The following CASQ2 variants were observed in gnomAD, a reference collection of about 807,000 sequenced individuals.
The protein encoded by CASQ2 is calsequestrin 2, also known as calsequestrin-2.
In CASQ2, 49 loss-of-function variants were observed where a neutral mutation model predicts 46.5. That is an observed-to-expected ratio of 1.05 (90% CI 0.84 to 1.34). The LOEUF (loss-of-function observed/expected upper bound fraction) is 1.34, where lower values mean the gene tolerates loss of function less well. Among genes scored for constraint, CASQ2 ranks in the 40% most tolerant of loss-of-function variants. The pLI is 0.00. For synonymous variants in CASQ2, 174 were observed against 168.5 expected (o/e 1.03, Z -0.25); for missense variants, 486 against 481.3 (o/e 1.01, Z -0.09).
chr1:115,711,592 G>GGT (rs144324637), intron 8 of CASQ2, among the ~76,000 whole-genome samples: 65,880 of 144,058 alleles, frequency 0.46, 14,958 homozygotes, highest in East Asian at 0.55. Flanking sequence ...CTCATTTTAA[G>GGT]ATTTTTTTTT....
intron 2 of CASQ2, among the ~76,000 whole-genome samples, chr1:115,741,716 GC>G (rs1460745356): frequency 6.6e-6 from 1 of 152,180 alleles, no homozygotes; most frequent in Non-Finnish European, 1.5e-5. Flanking sequence ...TTATTTTGCT[GC>G]CCTTTAGCAC....
intron 8 of CASQ2, among the ~76,000 whole-genome samples, chr1:115,710,301 C>A (rs569495658): frequency 4.6e-5 from 7 of 152,184 alleles, no homozygotes; most frequent in Non-Finnish European, 1.0e-4. Flanking sequence ...ATTTTATCAT[C>A]TCCATTTTAA....
intron 1 of CASQ2, among the ~76,000 whole-genome samples, chr1:115,757,865 T>A (rs1030622587): frequency 1.3e-5 from 2 of 152,198 alleles, no homozygotes; most frequent in African/African-American, 4.8e-5. Flanking sequence ...GAGAAGTATA[T>A]TTTCAGTATA....
At chr1:115,745,500 G>C (rs1387105327) in intron 1 of CASQ2, among the ~76,000 whole-genome samples, 1 of 152,140 alleles carries the variant, frequency 6.6e-6, no homozygotes, top group Non-Finnish European at 1.5e-5. Flanking sequence ...CAAAGGCCAA[G>C]AGGATGCAGC....
At chr1:115,728,064 G>T (rs183909056) in intron 5 of CASQ2, among the ~76,000 whole-genome samples, 1 of 152,150 alleles carries the variant, frequency 6.6e-6, no homozygotes, top group East Asian at 1.9e-4. Context: ...TCAAGAAAGC[G>T]CAGGGATGAA....
chr1:115,765,331 CTG>C (rs1284541278), intron 1 of CASQ2, among the ~76,000 whole-genome samples: 1 of 152,210 alleles, frequency 6.6e-6, no homozygotes, highest in Non-Finnish European at 1.5e-5. Context: ...CCTCCTCACT[CTG>C]TGGATGGAGC....
At chr1:115,744,141 C>CA (rs71683766) in intron 2 of CASQ2, among the ~76,000 whole-genome samples, 2,803 of 129,152 alleles carry the variant, frequency 0.022, 102 homozygotes, top group African/African-American at 0.083. Flanking sequence ...GAACCTGTCT[C>CA]AAAAAAAAAA....
intron 8 of CASQ2, among the ~76,000 whole-genome samples, chr1:115,711,486 G>T (rs1654541828): frequency 6.6e-6 from 1 of 152,120 alleles, no homozygotes; most frequent in South Asian, 2.1e-4. Flanking sequence ...CAGCATGTGG[G>T]TTGGGCAAAG....
intron 1 of CASQ2, among the ~76,000 whole-genome samples, chr1:115,746,544 T>A (rs1414370082): frequency 6.6e-6 from 1 of 152,222 alleles, no homozygotes; most frequent in Non-Finnish European, 1.5e-5. Context: ...TGTAGTGCTA[T>A]CTCATTGTGG....
intron 1 of CASQ2, among the ~76,000 whole-genome samples, chr1:115,745,259 C>T (rs1300510438): frequency 2.0e-5 from 3 of 152,136 alleles, no homozygotes; most frequent in African/African-American, 7.2e-5. Flanking sequence ...TGACAAGGGG[C>T]CCTGAGCCCT....
chr1:115,736,075 G>C (rs1346302409), intron 4 of CASQ2, among the ~76,000 whole-genome samples: 2 of 149,646 alleles, frequency 1.3e-5, no homozygotes, highest in Non-Finnish European at 3.0e-5. Context: ...AGGCAGGAGA[G>C]TTGCTTGAAC....
At chr1:115,721,850 C>T (rs146939948) in intron 7 of CASQ2, among the ~76,000 whole-genome samples, 265 of 152,334 alleles carry the variant, frequency 1.7e-3, no homozygotes, top group African/African-American at 6.2e-3. Context: ...GGACTATAGA[C>T]ATGAGCCACC....
At chr1:115,737,223 T>C (rs1360948009) in intron 4 of CASQ2, among the ~76,000 whole-genome samples, 1 of 152,174 alleles carries the variant, frequency 6.6e-6, no homozygotes, top group African/African-American at 2.4e-5. Flanking sequence ...CTCTAGCACA[T>C]TCATTTTAAG....
chr1:115,727,081 G>C lies in CASQ2; in HGVS notation c.648C>G (p.Phe216Leu), dbSNP rs1289487247. 6.2e-7 allele frequency: 1 copy of C among 1,613,168 alleles called. No homozygotes were observed. The highest frequency in any genetic ancestry group is 8.5e-7 in the Non-Finnish European group (1 of 1,179,204). Reference protein sequence around the residue: ...KLSLKMNEVDFYEPFMDEPIA... With the variant: ...KLSLKMNEVDLYEPFMDEPIA... ...TGGGCTCATCCATAAATGGCTCATA[G>C]AAGTCAACCTCATTCATCTTCAAAG... is the stretch of plus-strand genomic sequence containing the variant. The change falls in exon 6 of 11, where the codon TTC becomes TTG. Residue 216 changes from phenylalanine to leucine, a missense_variant. By Grantham distance (22) the Phe-to-Leu change is conservative (BLOSUM62 0). Transcript: ENST00000261448.
chr1:115,732,846 C>T (rs1357473575), intron 5 of CASQ2, 55 bp downstream of exon 5: 6 of 1,276,640 alleles, frequency 4.7e-6, no homozygotes, highest in Non-Finnish European at 5.7e-6. Flanking sequence ...AGAGTTCAAA[C>T]TTTAATTCTT....
chr1:115,705,936 A>C (rs1381324205), intron 8 of CASQ2, among the ~76,000 whole-genome samples: 3 of 152,162 alleles, frequency 2.0e-5, no homozygotes, highest in South Asian at 4.1e-4. Flanking sequence ...ATAAGCTTCA[A>C]GAACACAAAC....
At chr1:115,760,580 G>A (rs1648903348) in intron 1 of CASQ2, among the ~76,000 whole-genome samples, 1 of 152,170 alleles carries the variant, frequency 6.6e-6, no homozygotes, top group Admixed American at 6.5e-5. Context: ...CACATTTTAA[G>A]CGTCAGGTTT....
At position 115,707,253 on chromosome 1, in the gene CASQ2, C is replaced by A. The variant is rs376130574; in HGVS notation, c.839-1961G>T. On this transcript the variant is annotated intron_variant, in intron 8 of 10. Coordinates refer to ENST00000261448, the MANE Select transcript of CASQ2 (RefSeq NM_001232.4). ...CATTGTTGCCCAGGTTGGTTTTGAACTCCTGGGCTCAAGTGATCCTGCCTC... is the reference window on the plus strand; with the variant it reads ...CATTGTTGCCCAGGTTGGTTTTGAAATCCTGGGCTCAAGTGATCCTGCCTC... 2.8e-4 allele frequency among the ~76,000 whole-genome samples: 43 copies of A among 152,228 alleles called. No homozygotes were observed. In the East Asian group the frequency reaches 7.7e-3, roughly 27 times the overall value.
intron 4 of CASQ2, among the ~76,000 whole-genome samples, chr1:115,734,426 C>T (rs531541333): frequency 6.6e-6 from 1 of 152,346 alleles, no homozygotes; most frequent in South Asian, 2.1e-4. Context: ...CCCTTCCTCT[C>T]TTGGAGAGCT....
Sources: gnomAD v4.1 joint callset for allele counts (sites outside exome capture counted in the v4.1 genomes callset) on GRCh38, gnomAD v4.1.1 for gene constraint, MANE v1.5 for transcripts, NCBI Gene and HGNC (gene_info 2026-07-23, HGNC 2026-07-21) for gene names.